PATJ: variants seen among roughly 807,000 people sequenced by gnomAD.
The protein encoded by PATJ is inaD-like protein.
PATJ carries 190 observed loss-of-function variants against 224.9 expected under a neutral mutation model. The observed-to-expected ratio is 0.84, with a 90% confidence interval of 0.75 to 0.95. PATJ has a LOEUF of 0.95. PATJ is among the 40% of genes least tolerant of loss of function. The probability of loss-of-function intolerance (pLI) is 0.00; values close to 1 mark genes in which losing one functional copy is unlikely to be tolerated. For missense variants in PATJ, 2,121 were observed against 2,270.3 expected, an observed-to-expected ratio of 0.93 and a Z score of 1.34; for synonymous variants, 769 against 820.3, an observed-to-expected ratio of 0.94 and a Z score of 1.07.
intron 27 of PATJ, among the ~76,000 whole-genome samples, chr1:61,963,357 G>A (rs1162564084): frequency 6.6e-6 from 1 of 151,916 alleles, no homozygotes; most frequent in African/African-American, 2.4e-5. Context: ...CATTTTGGGA[G>A]GCCAAGGCAG....
At chr1:62,151,011 T>C (rs1407936979) in intron 42 of PATJ, among the ~76,000 whole-genome samples, 1 of 151,790 alleles carries the variant, frequency 6.6e-6, no homozygotes, top group Non-Finnish European at 1.5e-5. Flanking sequence ...TGGTGGCACA[T>C]GCCTGTAATC....
At chr1:62,053,082 T>A (rs1653924881) in intron 31 of PATJ, among the ~76,000 whole-genome samples, 1 of 152,168 alleles carries the variant, frequency 6.6e-6, no homozygotes, top group Non-Finnish European at 1.5e-5. Context: ...GTAAAAGCCA[T>A]CCATCATCCA....
At chr1:61,762,478 C>T (rs746740352) in intron 1 of PATJ, among the ~76,000 whole-genome samples, 3 of 151,876 alleles carry the variant, frequency 2.0e-5, no homozygotes, top group Non-Finnish European at 2.9e-5. Flanking sequence ...CATGTGCAGG[C>T]GTTTTTGTGA....
intron 14 of PATJ, among the ~76,000 whole-genome samples, chr1:61,814,519 AGTGTGTGT>A (rs67159092): frequency 1.4e-5 from 2 of 143,980 alleles, no homozygotes; most frequent in Admixed American, 7.0e-5. Flanking sequence ...CCTTTTGTTT[AGTGTGTGT>A]GTGTGTGTGT....
intron 29 of PATJ, among the ~76,000 whole-genome samples, chr1:62,031,706 A>G (rs373796534): frequency 1.3e-5 from 2 of 152,208 alleles, no homozygotes; most frequent in Admixed American, 1.3e-4. Flanking sequence ...TAGGTTTTGA[A>G]ACCAGATTGC....
chr1:62,043,310 A>G (rs898658848), intron 30 of PATJ, among the ~76,000 whole-genome samples: 1 of 152,228 alleles, frequency 6.6e-6, no homozygotes, highest in African/African-American at 2.4e-5. Flanking sequence ...CATTGGCACA[A>G]TTCTACAGCA....
chr1:62,161,015 A>C lies in PATJ; in HGVS notation c.5610A>C (p.Lys1870Asn). 6.2e-7 allele frequency: 1 copy of C among 1,605,148 alleles called. No homozygotes were observed. The highest frequency in any genetic ancestry group is 8.5e-7 in the Non-Finnish European group (1 of 1,176,090). ...ATGAGCAAGCAGTCGCCATTCTAAA[A>C]CACCAGAGAGGGACTGTAACCTTAA... ...VTHEQAVAIL[K>N]HQRGTVTLTV... The change falls in exon 44 of 44, where the codon AAA (lysine) becomes AAC (asparagine). Residue 1870 changes from lysine (K) to asparagine (N), a missense_variant. Lys to Asn is a moderately conservative substitution (Grantham distance 94). Coordinates refer to ENST00000642238, the MANE Select transcript of PATJ (RefSeq NM_001350145.3).
chr1:62,125,072 C>T (rs1431092591), intron 39 of PATJ, among the ~76,000 whole-genome samples: 2 of 151,620 alleles, frequency 1.3e-5, no homozygotes, highest in Middle Eastern at 6.9e-3. Flanking sequence ...CAAATAATTT[C>T]TTTTAAAATT....
At chr1:61,939,161 T>C (rs1158687893) in intron 27 of PATJ, among the ~76,000 whole-genome samples, 1 of 145,466 alleles carries the variant, frequency 6.9e-6, no homozygotes, top group Non-Finnish European at 1.5e-5. Context: ...CATGTAATTC[T>C]AAAAACTGAA....
chr1:61,796,129 T>C (rs1651046726), intron 10 of PATJ, among the ~76,000 whole-genome samples: 1 of 152,216 alleles, frequency 6.6e-6, no homozygotes, highest in Non-Finnish European at 1.5e-5. Context: ...AAACAAATGC[T>C]GGGTGGTATG....
At chr1:62,141,441 G>A (rs540355530) in intron 41 of PATJ, among the ~76,000 whole-genome samples, 106 of 151,800 alleles carry the variant, frequency 7.0e-4, no homozygotes, top group Non-Finnish European at 1.2e-3. Context: ...TTGGGAGGCC[G>A]AGATGGCCAG....
intron 20 of PATJ, among the ~76,000 whole-genome samples, chr1:61,871,446 CAT>C (rs1330079342): frequency 5.3e-5 from 2 of 37,464 alleles, no homozygotes; most frequent in Non-Finnish European, 1.4e-4. Context: ...TGTATATACA[CAT>C]ATATATGCGT....
chr1:61,989,155 T>C (rs1411118532), intron 27 of PATJ, among the ~76,000 whole-genome samples: 2 of 152,090 alleles, frequency 1.3e-5, no homozygotes, highest in Non-Finnish European at 2.9e-5. Flanking sequence ...CAGCCAGCCA[T>C]CTCCTAAAAC....
intron 31 of PATJ, among the ~76,000 whole-genome samples, chr1:62,067,448 C>G (rs1287263114): frequency 6.6e-6 from 1 of 151,956 alleles, no homozygotes; most frequent in Non-Finnish European, 1.5e-5. Context: ...ATTTTTGTGG[C>G]CTTTCATTAC....
chr1:61,812,208 G>A (rs902401414), intron 14 of PATJ, among the ~76,000 whole-genome samples: 5 of 151,944 alleles, frequency 3.3e-5, no homozygotes, highest in Non-Finnish European at 5.9e-5. Flanking sequence ...TCGATGTTTT[G>A]TCTTTTTGTT....
chr1:62,057,588 T>C (rs1017008541), intron 31 of PATJ, among the ~76,000 whole-genome samples: 2 of 152,228 alleles, frequency 1.3e-5, no homozygotes, highest in African/African-American at 2.4e-5. Context: ...TATATTCTCA[T>C]GTTTTGTCTT....
At chr1:61,977,318 A>G (rs1644192263) in intron 27 of PATJ, among the ~76,000 whole-genome samples, 1 of 151,918 alleles carries the variant, frequency 6.6e-6, no homozygotes, top group Admixed American at 6.5e-5. Context: ...TCGAACTCCT[A>G]GCCTCAAGTA....
rs34877280 is a variant in PATJ, at chr1:61,838,521, A to ATTT, written c.2112+4756_2112+4758dup. Among the ~76,000 whole-genome samples the ATTT allele has an allele frequency of 6.8e-4, 78 of 115,548 alleles. 1 individual carries two copies. The highest frequency in any genetic ancestry group is 5.2e-3 in the Middle Eastern group (1 of 192). 75.8% of individuals were successfully genotyped at this position (115,548 alleles called of 152,430 possible). A position where few individuals can be genotyped will look rare whatever the true frequency, so the allele number is the denominator to read the frequency against. ...AGGCACCTGCTACCACGCCTGGCTA[A>ATTT]TTTTTTTTTTTTTTTTTTTTTTGTA... On this transcript the variant is annotated intron_variant, in intron 17 of 43. Transcript: ENST00000642238.
At chr1:62,036,453 A>G (rs1437076282) in intron 29 of PATJ, among the ~76,000 whole-genome samples, 1 of 152,056 alleles carries the variant, frequency 6.6e-6, no homozygotes, top group Non-Finnish European at 1.5e-5. Context: ...TGGCTGTGGA[A>G]CCATATGGTG....
Sources: gnomAD v4.1 joint callset for allele counts (sites outside exome capture counted in the v4.1 genomes callset) on GRCh38, gnomAD v4.1.1 for gene constraint, MANE v1.5 for transcripts, NCBI Gene and HGNC (gene_info 2026-07-23, HGNC 2026-07-21) for gene names.